PCDH9: variants seen among roughly 807,000 people sequenced by gnomAD.
PCDH9 encodes the protein protocadherin-9.
Under a neutral mutation model 70.6 loss-of-function variants are expected in PCDH9, and 24 were observed. The ratio of observed to expected loss-of-function variants is 0.34; its 90% CI spans 0.25 to 0.48. The LOEUF (loss-of-function observed/expected upper bound fraction) is 0.48. Ranked by LOEUF, PCDH9 falls within the 20% of genes least tolerant of loss-of-function variation. PCDH9 has a pLI of 0.99. For synonymous variants in PCDH9, 562 were observed against 558.5 expected (o/e 1.01, Z -0.09); for missense variants, 1,281 against 1,503.6 (o/e 0.85, Z 2.45).
At chr13:67,159,844 C>T (rs1414316039) in intron 2 of PCDH9, among the ~76,000 whole-genome samples, 1 of 152,122 alleles carries the variant, frequency 6.6e-6, no homozygotes, top group Admixed American at 6.5e-5. Flanking sequence ...AATAAAGAAG[C>T]AACTAAACTA....
chr13:66,456,810 T>A (rs369950211), intron 4 of PCDH9, among the ~76,000 whole-genome samples: 1 of 152,130 alleles, frequency 6.6e-6, no homozygotes, highest in East Asian at 1.9e-4. Context: ...TTCATTTTGC[T>A]ATGGAGTATG....
intron 3 of PCDH9, among the ~76,000 whole-genome samples, chr13:66,636,000 T>C (rs1456050176): frequency 1.3e-5 from 2 of 152,076 alleles, no homozygotes; most frequent in Non-Finnish European, 2.9e-5. Context: ...GCATAGAAAA[T>C]ATGTATAATC....
At chr13:66,923,181 A>T (rs1309930143) in intron 2 of PCDH9, among the ~76,000 whole-genome samples, 1 of 151,518 alleles carries the variant, frequency 6.6e-6, no homozygotes, top group Non-Finnish European at 1.5e-5. Context: ...TGGATAATTA[A>T]TAATTTAATA....
intron 3 of PCDH9, among the ~76,000 whole-genome samples, chr13:66,719,275 G>A (rs2078910870): frequency 6.6e-6 from 1 of 152,002 alleles, no homozygotes; most frequent in African/African-American, 2.4e-5. Context: ...TAATATAATG[G>A]ATTAAAGATT....
At chr13:66,463,067 T>C (rs1958453567) in intron 4 of PCDH9, among the ~76,000 whole-genome samples, 2 of 151,838 alleles carry the variant, frequency 1.3e-5, no homozygotes, top group South Asian at 4.1e-4. Flanking sequence ...TCTCTTCATA[T>C]ATATACATGA....
At chr13:66,520,452 C>A (rs1959939171) in intron 4 of PCDH9, among the ~76,000 whole-genome samples, 2 of 152,156 alleles carry the variant, frequency 1.3e-5, no homozygotes, top group African/African-American at 2.4e-5. Context: ...TCCTGCATTG[C>A]TGCATTTTCC....
chr13:67,041,830 C>CAAA (rs61557179), intron 2 of PCDH9, among the ~76,000 whole-genome samples: 119 of 109,826 alleles, frequency 1.1e-3, no homozygotes, highest in African/African-American at 3.2e-3. Flanking sequence ...GACTCTGTCT[C>CAAA]AAAAAAAAAA....
intron 2 of PCDH9, among the ~76,000 whole-genome samples, chr13:66,934,889 T>C (rs2082889130): frequency 1.4e-5 from 2 of 147,982 alleles, no homozygotes; most frequent in Admixed American, 1.3e-4. Flanking sequence ...CCCGGCTAAT[T>C]TTTTGTATTT....
chr13:67,105,289 T>C (rs966983251), intron 2 of PCDH9, among the ~76,000 whole-genome samples: 1 of 152,174 alleles, frequency 6.6e-6, no homozygotes, highest in Non-Finnish European at 1.5e-5. Flanking sequence ...TACTCTGTAA[T>C]TTAGTAAAAT....
chr13:66,441,451 T>C (rs1957972313), intron 4 of PCDH9, among the ~76,000 whole-genome samples: 1 of 152,128 alleles, frequency 6.6e-6, no homozygotes, highest in African/African-American at 2.4e-5. Context: ...AAAACAACTT[T>C]TTATTTTTAG....
chr13:66,877,895 A>T (rs2081847143), intron 3 of PCDH9, among the ~76,000 whole-genome samples: 1 of 152,200 alleles, frequency 6.6e-6, no homozygotes. Flanking sequence ...AATGACTCCC[A>T]CCAGCCCTTT....
Position 66,992,560 on chromosome 13 carries a change from T to C in PCDH9, c.3037-88955A>G, listed in dbSNP as rs1016582801. On this transcript the variant is annotated intron_variant, in intron 2 of 4. Coordinates refer to ENST00000377865, the MANE Select transcript of PCDH9 (RefSeq NM_203487.3). ...CACTTCTGTTGGAAGACGAGCTCTT[T>C]TAATTTTGCAACTCTTTAATTTGTT... Among the ~76,000 whole-genome samples the C allele has an allele frequency of 2.6e-5, 4 of 152,314 alleles. No homozygotes were observed. The South Asian group carries it at 8.3e-4, about 32-fold the overall frequency.
At chr13:67,105,661 T>G (rs2086525458) in intron 2 of PCDH9, among the ~76,000 whole-genome samples, 1 of 152,076 alleles carries the variant, frequency 6.6e-6, no homozygotes, top group Admixed American at 6.6e-5. Context: ...TTTTGTTTCT[T>G]TTTTTAAAAG....
intron 3 of PCDH9, among the ~76,000 whole-genome samples, chr13:66,781,537 C>T (rs1180804370): frequency 6.6e-6 from 1 of 152,106 alleles, no homozygotes; most frequent in East Asian, 1.9e-4. Flanking sequence ...ATTAGCTCAG[C>T]ACTTATATTT....
intron 3 of PCDH9, among the ~76,000 whole-genome samples, chr13:66,734,118 G>A (rs1483731823): frequency 6.6e-6 from 1 of 152,140 alleles, no homozygotes; most frequent in Admixed American, 6.6e-5. Context: ...TGATTTTAGG[G>A]TAGGGGCTTT....
At chr13:66,718,948 A>C (rs1357419813) in intron 3 of PCDH9, among the ~76,000 whole-genome samples, 1 of 152,248 alleles carries the variant, frequency 6.6e-6, no homozygotes, top group Non-Finnish European at 1.5e-5. Context: ...ACATGAACTA[A>C]GACAAACTCC....
At chr13:67,116,953 T>C (rs553425581) in intron 2 of PCDH9, among the ~76,000 whole-genome samples, 1 of 152,304 alleles carries the variant, frequency 6.6e-6, no homozygotes, top group South Asian at 2.1e-4. Flanking sequence ...CCAAATTTTA[T>C]TCACGACTTT....
At chr13:66,572,466 C>T (rs34455700) in intron 4 of PCDH9, among the ~76,000 whole-genome samples, 52,584 of 151,922 alleles carry the variant, frequency 0.35, 9,588 homozygotes, top group African/African-American at 0.46. Flanking sequence ...ATGTTATATT[C>T]GTCTTTCTGG....
intron 4 of PCDH9, among the ~76,000 whole-genome samples, chr13:66,347,555 C>T (rs757667659): frequency 1.3e-5 from 2 of 152,158 alleles, no homozygotes; most frequent in Non-Finnish European, 2.9e-5. Context: ...AAACAAAATT[C>T]ATCATGTCTT....
Sources: gnomAD v4.1 joint callset for allele counts (sites outside exome capture counted in the v4.1 genomes callset) on GRCh38, gnomAD v4.1.1 for gene constraint, MANE v1.5 for transcripts, NCBI Gene and HGNC (gene_info 2026-07-23, HGNC 2026-07-21) for gene names.